The following ARHGEF2 variants were observed in gnomAD, a reference collection of about 807,000 sequenced individuals.
ARHGEF2 encodes Rho/Rac guanine nucleotide exchange factor 2.
ARHGEF2 carries 22 observed loss-of-function variants against 121.0 expected under a neutral mutation model. That is an observed-to-expected ratio of 0.18 (90% CI 0.13 to 0.26). The LOEUF is 0.26. Ranked by LOEUF, ARHGEF2 falls within the 10% of genes least tolerant of loss-of-function variation. The pLI, the probability that ARHGEF2 is intolerant of heterozygous loss-of-function variation, is 1.00. For synonymous variants in ARHGEF2, 487 were observed against 530.0 expected, an observed-to-expected ratio of 0.92 and a Z score of 1.11; for missense variants, 907 against 1,336.0, an observed-to-expected ratio of 0.68 and a Z score of 5.01.
upstream of ARHGEF2, chr1:155,978,890 T>G (rs1325374188): frequency 3.0e-6 from 3 of 987,076 alleles, no homozygotes; most frequent in Non-Finnish European, 3.6e-6. The surrounding 1 kb of genome is among the most constrained non-coding windows in gnomAD (Gnocchi z 4.1). Context: ...CGCCCTCCCT[T>G]TTTCCCTCCC....
chr1:155,965,720 G>A lies in ARHGEF2; in HGVS notation c.381C>T (p.Ser127=), dbSNP rs774670257. The A allele has an allele frequency of 1.2e-5, 20 of 1,604,168 alleles. No homozygotes were observed. The highest frequency in any genetic ancestry group is 2.7e-5 in the African/African-American group (2 of 74,296). The change falls in exon 5 of 22, where the codon TCC becomes TCT. Residue 127 remains serine, a synonymous_variant. Transcript: ENST00000361247. This position sits in a 1 kb window ranked among gnomAD's most constrained non-coding sequence, Gnocchi z 6.0. ...CCAGGAGGGACTGCCGGAAGCTGTC[G>A]GAGGGGTAGATGGCCGAGCTTGGCC... ...RERPSSAIYP[S]DSFRQSLLGS...
At chr1:155,964,336 C>G (rs866983083) in intron 7 of ARHGEF2, among the ~76,000 whole-genome samples, 1 of 150,734 alleles carries the variant, frequency 6.6e-6, no homozygotes, top group South Asian at 2.1e-4. Flanking sequence ...TGAGCCACCA[C>G]GCCCAGTTCC....
Position 155,957,502 on chromosome 1 carries a change from G to A in ARHGEF2, c.1715+211C>T, listed in dbSNP as rs1332480146. 4.6e-5 allele frequency among the ~76,000 whole-genome samples: 7 copies of A among 152,330 alleles called. No homozygotes were observed. In the East Asian group the frequency reaches 1.3e-3, roughly 29 times the overall value. Reference sequence around the variant, plus strand: ...TTGTCAGCTCATGCTGAATTTGAAAGGGAGTTGAGGTTGGCAATGTATAAA... The same window carrying A: ...TTGTCAGCTCATGCTGAATTTGAAAAGGAGTTGAGGTTGGCAATGTATAAA... On this transcript the variant is annotated intron_variant, in intron 13 of 21. Transcript: ENST00000361247.
In ARHGEF2 at chr1:155,965,504, C is replaced by T. The variant is rs1048426379; in HGVS notation, c.471-92G>A. ...CCAAAGCCAGGATCCAAGAGGCGGT[C>T]CCCCTAAGTTCTCCTTATTTGTCTG... is the stretch of plus-strand genomic sequence containing the variant. On this transcript the variant is annotated intron_variant, in intron 5 of 21. Transcript: ENST00000361247. This position sits in a 1 kb window ranked among gnomAD's most constrained non-coding sequence, Gnocchi z 6.0. The T allele has an allele frequency of 5.6e-6, 9 of 1,598,418 alleles. No homozygotes were observed. The African/African-American group carries it at 8.1e-5, about 14-fold the overall frequency.
In ARHGEF2 at chr1:155,965,769, G is replaced by A. The variant is rs1052895756; in HGVS notation, c.341-9C>T. ...CCGCTCCCGGATGGTTGCTGTGGGG[G>A]AGAGATGCCCAGCAGGCAAACATCA... On this transcript the variant is annotated splice_polypyrimidine_tract_variant and intron_variant, in intron 4 of 21. Transcript: ENST00000361247. The surrounding 1 kb of genome is among the most constrained non-coding windows in gnomAD (Gnocchi z 6.0). 3 of 1,586,816 alleles carry A rather than the reference G, an allele frequency of 1.9e-6. No individual in the cohort carries two copies. Among genetic ancestry groups the A allele is most frequent in the Non-Finnish European group, 2.6e-6 (3 of 1,172,976 alleles).
Position 155,947,925 on chromosome 1 carries a change from AG to A in ARHGEF2, c.*16del. ...AATGTTCTTCAGTGGGGCACGGGGC[AG>A]GGGGGAGGGGCCCCCTTAGCTCTCG... On this transcript the variant is annotated 3_prime_UTR_variant, in exon 22 of 22. Coordinates refer to ENST00000361247, the MANE Select transcript of ARHGEF2 (RefSeq NM_001162383.2). 1.3e-6 allele frequency: 2 copies of A among 1,523,476 alleles called. No homozygotes were observed. The highest frequency in any genetic ancestry group is 2.5e-5 in the East Asian group (1 of 40,674). 94.4% of individuals were successfully genotyped at this position (1,523,476 alleles called of 1,614,324 possible).
intron 15 of ARHGEF2, 53 bp downstream of exon 15, chr1:155,952,575 A>T: frequency 6.4e-7 from 1 of 1,550,572 alleles, no homozygotes; most frequent in Non-Finnish European, 8.8e-7. Flanking sequence ...ACATGTCCAC[A>T]TTCTGTGACG....
rs541673932 is a variant in ARHGEF2 at position 155,966,397 on chromosome 1, C to T, written c.340+19G>A. The T allele has an allele frequency of 1.4e-5, 22 of 1,613,422 alleles. No homozygotes were observed. The highest frequency in any genetic ancestry group is 2.7e-5 in the African/African-American group (2 of 74,884). ...GGTCCAGGGTCTTAGGGGACCTCCT[C>T]CACTCCCCAACTACTCACTCTTACT... On this transcript the variant is annotated intron_variant, in intron 4 of 21. Transcript: ENST00000361247.
In ARHGEF2 at chr1:155,950,388, G is replaced by T. The variant is rs1338850550; in HGVS notation, c.2798C>A (p.Pro933His). The stretch of plus-strand genomic sequence containing the variant: ...ACTGCTGTCTTGCAGCCGCTCTTCG[G>T]GGCTCCCCAGTTCCTGCCTCTCTCG... ...EDRERQELGSPEERLQDSSDP... is the reference protein window; with the variant it reads ...EDRERQELGSHEERLQDSSDP... The change falls in exon 21 of 22, where the codon CCC becomes CAC. Residue 933 changes from proline to histidine, a missense_variant. Transcript: ENST00000361247. This position sits in a 1 kb window ranked among gnomAD's most constrained non-coding sequence, Gnocchi z 5.2. The T allele has an allele frequency of 6.2e-7, 1 of 1,614,042 alleles. No homozygotes were observed. The highest frequency in any genetic ancestry group is 1.1e-5 in the South Asian group (1 of 91,082).
chr1:155,966,694 TG>T, intron 3 of ARHGEF2, 125 bp downstream of exon 3: 1 of 1,195,462 alleles, frequency 8.4e-7, no homozygotes, highest in Non-Finnish European at 1.2e-6. Flanking sequence ...GTTGAGGGTC[TG>T]GGCTGCCCCT....
chr1:155,967,001 C>G (rs985893429), intron 2 of ARHGEF2, 114 bp from the exon 3 acceptor site: 146 of 961,364 alleles, frequency 1.5e-4, no homozygotes, highest in Non-Finnish European at 2.0e-4. Flanking sequence ...GACTCTCCCC[C>G]CTTCCCCGAC....
At chr1:155,974,716 G>A (rs567073850) in intron 1 of ARHGEF2, among the ~76,000 whole-genome samples, 1 of 152,250 alleles carries the variant, frequency 6.6e-6, no homozygotes, top group South Asian at 2.1e-4. Flanking sequence ...GGGTACGGGT[G>A]AAACGGAAGA....
rs1040539526 is a variant in ARHGEF2, at chr1:155,970,847, C to A, written c.64-1547G>T. ...TCTCTTTCCTGCCTCTCTTCCCAAG[C>A]TCCAGGTTTGCCTGATGATGTCCAG... On this transcript the variant is annotated intron_variant, in intron 1 of 21. Transcript: ENST00000361247. 109 of 986,300 alleles carry A rather than the reference C, an allele frequency of 1.1e-4. 1 individual carries two copies. Among genetic ancestry groups the A allele is most frequent in the Non-Finnish European group, 1.3e-4 (108 of 830,612 alleles). 61.1% of individuals were successfully genotyped at this position (986,300 alleles called of 1,614,324 possible).
In ARHGEF2 at chr1:155,964,161, A is replaced by AT. The variant is rs1284228632; in HGVS notation, c.724+826_724+827insA. Among the ~76,000 whole-genome samples, 387 of 57,226 alleles carry AT rather than the reference A, an allele frequency of 6.8e-3. 14 individuals carry two copies. Among genetic ancestry groups the AT allele is most frequent in the African/African-American group, 0.016 (217 of 13,634 alleles). The allele number at this position is 57,226 out of a possible 152,430, so 37.5% of individuals were successfully genotyped here. ...CTCTGCTTCAAAAAAAAAAAAAAAA[A>AT]AAAAAAATATATATATATATATATA... On this transcript the variant is annotated intron_variant, in intron 7 of 21. Transcript: ENST00000361247.
In ARHGEF2 at chr1:155,962,207, C is replaced by G. The variant is rs778354915; in HGVS notation, c.1117G>C (p.Ala373Pro). 3.1e-6 allele frequency: 5 copies of G among 1,613,792 alleles called. No homozygotes were observed. The African/African-American group carries it at 4.0e-5, about 13-fold the overall frequency. Residue 373 changes from alanine (A) to proline (P), a missense_variant, in exon 10 of 22, where the codon GCC becomes CCC. By Grantham distance (27) the Ala-to-Pro change is conservative (BLOSUM62 -1). Transcript: ENST00000361247. This position sits in a 1 kb window ranked among gnomAD's most constrained non-coding sequence, Gnocchi z 5.8. The part of the protein sequence containing the change: ...QQFIRKVTRP[A>P]VLKRHGVQEC... Reference sequence around the variant, plus strand: ...TGTACCCCGTGCCGCTTGAGCACGGCGGGGCGGGTCACTTTCTACAAGGGA... The same window carrying G: ...TGTACCCCGTGCCGCTTGAGCACGGGGGGGCGGGTCACTTTCTACAAGGGA...
intron 15 of ARHGEF2, 69 bp downstream of exon 15, chr1:155,952,559 C>T: frequency 6.6e-7 from 1 of 1,510,724 alleles, no homozygotes; most frequent in Non-Finnish European, 9.0e-7. Context: ...TTGTCCATGT[C>T]TAGTCACATG....
chr1:155,976,491 A>G (rs1158733403), intron 1 of ARHGEF2, among the ~76,000 whole-genome samples: 1 of 150,070 alleles, frequency 6.7e-6, no homozygotes, highest in Non-Finnish European at 1.5e-5. Flanking sequence ...AGTAGAAAGA[A>G]GAGCCAGTCC....
chr1:155,948,447 T>C (rs1364616170), intron 21 of ARHGEF2, among the ~76,000 whole-genome samples: 1 of 151,792 alleles, frequency 6.6e-6, no homozygotes, highest in Non-Finnish European at 1.5e-5. Flanking sequence ...CTGGCCAACA[T>C]GGTGAAACCC....
At chr1:155,971,647 CA>C (rs1445626157) in intron 1 of ARHGEF2, among the ~76,000 whole-genome samples, 1 of 150,038 alleles carries the variant, frequency 6.7e-6, no homozygotes, top group Non-Finnish European at 1.5e-5. Flanking sequence ...ACACCAAGTC[CA>C]AAAATCTCTT....
Sources: allele counts gnomAD v4.1 joint callset (sites outside exome capture counted in the v4.1 genomes callset), GRCh38; gene constraint gnomAD v4.1.1; non-coding constraint Gnocchi (gnomAD v3.1); transcripts MANE v1.5; gene names NCBI Gene and HGNC (gene_info 2026-07-23, HGNC 2026-07-21).